Variants in C5orf34 observed in about 807,000 individuals in gnomAD.
C5orf34 encodes chromosome 5 open reading frame 34.
In C5orf34, 73 loss-of-function variants were observed where a neutral mutation model predicts 78.4. That is an observed-to-expected ratio of 0.93 (90% CI 0.77 to 1.13). The LOEUF is 1.13. C5orf34 is among the 50% of genes most tolerant of loss of function. The pLI is 0.00. For missense variants in C5orf34, 730 were observed against 732.7 expected (o/e 1.00, Z 0.04); for synonymous variants, 251 against 246.6 (o/e 1.02, Z -0.17).
At chr5:43,488,028 C>A in intron 11 of C5orf34, 79 bp from the exon 12 acceptor site, 1 of 1,055,574 alleles carries the variant, frequency 9.5e-7, no homozygotes, top group Non-Finnish European at 1.4e-6. Context: ...GCATACCTGA[C>A]TTTTTTTTTC....
intron 8 of C5orf34, 139 bp from the exon 9 acceptor site, chr5:43,493,029 C>G: frequency 2.3e-6 from 1 of 436,250 alleles, no homozygotes; most frequent in Admixed American, 4.1e-5. Context: ...TTAATTTTTC[C>G]AGAAGTGGAT....
Position 43,506,115 on chromosome 5 carries a change from G to C in C5orf34, c.565C>G (p.Gln189Glu). ...KICIRGNLPG[Q>E]RLKNKENEFH... ...TCATTTTCTTTATTCTTCAGTCTCT[G>C]TCCTGGTAAATTTCCACGTATACAG... Residue 189 changes from glutamine (Q) to glutamate (E), a missense_variant, in exon 4 of 13, where the codon CAG (glutamine) becomes GAG (glutamate). Transcript: ENST00000306862. 6.2e-7 allele frequency: 1 copy of C among 1,614,126 alleles called. No homozygotes were observed. The highest frequency in any genetic ancestry group is 2.2e-5 in the East Asian group (1 of 44,880).
At chr5:43,504,687 T>C (rs1195987476) in intron 4 of C5orf34, among the ~76,000 whole-genome samples, 1 of 151,834 alleles carries the variant, frequency 6.6e-6, no homozygotes, top group Non-Finnish European at 1.5e-5. Context: ...AGGGCAAGAG[T>C]AGTGAGAGAG....
intron 8 of C5orf34, 103 bp from the exon 9 acceptor site, chr5:43,492,993 G>A: frequency 1.8e-6 from 1 of 541,706 alleles, no homozygotes; most frequent in Non-Finnish European, 3.0e-6. Context: ...TTATTCAGAA[G>A]TCAAATATTA....
At chr5:43,489,986 C>A (rs1261703123) in intron 11 of C5orf34, among the ~76,000 whole-genome samples, 2 of 152,074 alleles carry the variant, frequency 1.3e-5, no homozygotes, top group Admixed American at 1.3e-4. Flanking sequence ...CCATTCCTAG[C>A]CCTCAAAACT....
rs1414003415 is a variant in C5orf34 at position 43,492,264 on chromosome 5, C to A, written c.1531G>T (p.Asp511Tyr). ...NLGWCKLTFP[D>Y]GQEQLIQIEH... ...ATCTGAATTAACTGCTCTTGTCCATCAGGAAAAGTTAACTTACACCAACCT... is the reference window on the plus strand; with the variant it reads ...ATCTGAATTAACTGCTCTTGTCCATAAGGAAAAGTTAACTTACACCAACCT... The change falls in exon 10 of 13, where the codon GAT becomes TAT. Residue 511 changes from aspartate (D) to tyrosine (Y), a missense_variant. Coordinates refer to ENST00000306862, the MANE Select transcript of C5orf34 (RefSeq NM_198566.4). 2 of 1,612,218 alleles carry A rather than the reference C, an allele frequency of 1.2e-6. No individual in the cohort carries two copies. The highest frequency in any genetic ancestry group is 8.5e-7 in the Non-Finnish European group (1 of 1,179,106).
intron 11 of C5orf34, 141 bp from the exon 12 acceptor site, chr5:43,488,090 A>G (rs1312998186): frequency 4.8e-6 from 3 of 620,956 alleles, no homozygotes; most frequent in African/African-American, 1.9e-5. Context: ...TGTTACCTTT[A>G]TTTAGCAACA....
At chr5:43,508,498 A>G (rs1352557706) in intron 3 of C5orf34, 79 bp downstream of exon 3, 12 of 868,270 alleles carry the variant, frequency 1.4e-5, no homozygotes, top group Admixed American at 2.2e-5. Context: ...AAAAGGAAAA[A>G]AAGGCTAAAT....
intron 10 of C5orf34, 115 bp from the exon 11 acceptor site, chr5:43,490,844 A>G: frequency 1.7e-6 from 1 of 580,682 alleles, no homozygotes; most frequent in Non-Finnish European, 2.9e-6. Flanking sequence ...AAAAAATGTT[A>G]AAGTGAAGCA....
intron 6 of C5orf34, among the ~76,000 whole-genome samples, chr5:43,498,576 C>G (rs1405102021): frequency 6.6e-6 from 1 of 152,184 alleles, no homozygotes; most frequent in Non-Finnish European, 1.5e-5. Flanking sequence ...TTTGGCATCC[C>G]TTTCAACTCC....
At chr5:43,490,187 C>A (rs1390468849) in intron 11 of C5orf34, 1 of 166,170 alleles carries the variant, frequency 6.0e-6, no homozygotes, top group Non-Finnish European at 1.3e-5. Context: ...AAAATACTTG[C>A]TTTATTTGAT....
At chr5:43,512,759 T>C (rs998815001) in intron 1 of C5orf34, among the ~76,000 whole-genome samples, 2 of 83,090 alleles carry the variant, frequency 2.4e-5, no homozygotes. Context: ...CCCCACCTTG[T>C]CTTTTTTTTT....
intron 1 of C5orf34, among the ~76,000 whole-genome samples, chr5:43,514,426 TAGATGGA>T (rs1397645712): frequency 3.9e-5 from 6 of 152,212 alleles, no homozygotes; most frequent in Admixed American, 3.9e-4. Context: ...TGCTGATACA[TAGATGGA>T]AGACATTTTC....
In C5orf34 at chr5:43,503,668, T is replaced by TA. The variant is rs769605688; in HGVS notation, c.1024dup (p.Tyr342LeufsTer2). On this transcript the variant is annotated frameshift_variant, in exon 5 of 13. Coordinates refer to ENST00000306862, the MANE Select transcript of C5orf34 (RefSeq NM_198566.4). LOFTEE classifies it high-confidence loss of function. ...GAAGCCAACATAGGTGCCTTACCTATATGTAACACCTTTGTACCAAACCAT... is the reference window on the plus strand; with the variant it reads ...GAAGCCAACATAGGTGCCTTACCTATAATGTAACACCTTTGTACCAAACCAT... 1 of 1,601,326 alleles carries TA rather than the reference T, an allele frequency of 6.2e-7. No homozygotes were observed. The highest frequency in any genetic ancestry group is 8.6e-7 in the Non-Finnish European group (1 of 1,168,460).
intron 3 of C5orf34, among the ~76,000 whole-genome samples, chr5:43,508,330 G>A (rs1746078428): frequency 6.6e-6 from 1 of 152,090 alleles, no homozygotes; most frequent in Non-Finnish European, 1.5e-5. Flanking sequence ...CGCTGTTACT[G>A]AAAATGGTCA....
chr5:43,494,990 A>AAATGGCC lies in C5orf34; in HGVS notation c.1153-396_1153-390dup. 4 of 1,130,858 alleles carry AAATGGCC rather than the reference A, an allele frequency of 3.5e-6. 1 individual carries two copies. Among genetic ancestry groups the AAATGGCC allele is most frequent in the Admixed American group, 1.9e-5 (1 of 53,984 alleles). 70.1% of individuals were successfully genotyped at this position (1,130,858 alleles called of 1,614,324 possible). A position where few individuals can be genotyped will look rare whatever the true frequency, so the allele number is the denominator to read the frequency against. On this transcript the variant is annotated intron_variant, in intron 6 of 12. Transcript: ENST00000306862. ...TAACCAGTCTTTCACTACTAAACTTAAATGGCCAATTGAAACAAACAGTTC... is the reference window on the plus strand; with the variant it reads ...TAACCAGTCTTTCACTACTAAACTTAAATGGCCAATGGCCAATTGAAACAAACAGTTC...
chr5:43,499,550 C>T (rs1745675436), intron 6 of C5orf34, among the ~76,000 whole-genome samples: 1 of 151,850 alleles, frequency 6.6e-6, no homozygotes, highest in Non-Finnish European at 1.5e-5. Context: ...ATTGAGTCCT[C>T]TCAGACTTCT....
In C5orf34 at chr5:43,487,053, C is replaced by G; in HGVS notation, c.1779G>C (p.Gln593His). 2 of 1,572,474 alleles carry G rather than the reference C, an allele frequency of 1.3e-6. No individual in the cohort carries two copies. Among genetic ancestry groups the G allele is most frequent in the Non-Finnish European group, 1.7e-6 (2 of 1,161,402 alleles). ...NQISNKKNEQ[Q>H]SFDHYKPGSS... is the part of the protein sequence containing the mutation. ...ATCCTGGTTTATAATGATCAAAAGA[C>G]TGTTGTTCATTTTTCTTGTTAGAAA... is the stretch of plus-strand genomic sequence containing the variant. Residue 593 changes from glutamine (Q) to histidine (H), a missense_variant, in exon 13 of 13, where the codon CAG becomes CAC. Physicochemically the swap from Gln to His is conservative, Grantham distance 24. Transcript: ENST00000306862.
At chr5:43,501,054 C>A (rs1032897680) in intron 6 of C5orf34, among the ~76,000 whole-genome samples, 2 of 152,166 alleles carry the variant, frequency 1.3e-5, no homozygotes, top group Non-Finnish European at 2.9e-5. Flanking sequence ...GCGTTTTAAC[C>A]CAAAAGCTCA....
Sources: allele counts gnomAD v4.1 joint callset (sites outside exome capture counted in the v4.1 genomes callset), GRCh38; gene constraint gnomAD v4.1.1; transcripts MANE v1.5; gene names NCBI Gene and HGNC (gene_info 2026-07-23, HGNC 2026-07-21).